NTM: variants seen among roughly 807,000 people sequenced by gnomAD.
NTM encodes IgLON family member 2.
NTM carries 13 observed loss-of-function variants against 42.1 expected under a neutral mutation model. The observed-to-expected ratio is 0.31, with a 90% CI of 0.20 to 0.49. NTM has a LOEUF of 0.49. Among genes scored for constraint, NTM ranks in the 20% least tolerant of loss-of-function variants. The pLI is 0.99. For missense variants in NTM, 373 were observed against 452.8 expected, an observed-to-expected ratio of 0.82 and a Z score of 1.60; for synonymous variants, 187 against 179.2, an observed-to-expected ratio of 1.04 and a Z score of -0.35.
Position 131,500,541 on chromosome 11 carries a change from T to TTATA in NTM, c.82+129687_82+129690dup, listed in dbSNP as rs200145436. Among the ~76,000 whole-genome samples the TTATA allele has an allele frequency of 2.1e-4, 14 of 65,158 alleles. 1 individual carries two copies. Among genetic ancestry groups the TTATA allele is most frequent in the Non-Finnish European group, 3.4e-4 (12 of 35,690 alleles). 42.7% of individuals were successfully genotyped at this position (65,158 alleles called of 152,430 possible). A position where few individuals can be genotyped will look rare whatever the true frequency, so the allele number is the denominator to read the frequency against. On this transcript the variant is annotated intron_variant, in intron 1 of 8. Transcript: ENST00000683400. ...TTGCTTCAGACCCTATAGTTATTTA[T>TTATA]TATATATATATATATATATATATAT...
intron 1 of NTM, among the ~76,000 whole-genome samples, chr11:131,848,872 A>G (rs1485035241): frequency 6.6e-6 from 1 of 152,194 alleles, no homozygotes; most frequent in African/African-American, 2.4e-5. Context: ...CTCACAAACC[A>G]GGGAGTGTTA....
At chr11:131,631,311 C>T (rs565241845) in intron 1 of NTM, among the ~76,000 whole-genome samples, 12 of 152,284 alleles carry the variant, frequency 7.9e-5, no homozygotes, top group South Asian at 4.1e-4. Context: ...GAGAAAACCA[C>T]GCAAATAACA....
intron 1 of NTM, among the ~76,000 whole-genome samples, chr11:131,572,386 C>T (rs1489723254): frequency 6.6e-6 from 1 of 152,178 alleles, no homozygotes; most frequent in Non-Finnish European, 1.5e-5. Flanking sequence ...CATTATTCTT[C>T]TCCAGAATTA....
chr11:131,799,713 G>A (rs976561878), intron 1 of NTM, among the ~76,000 whole-genome samples: 10 of 152,170 alleles, frequency 6.6e-5, no homozygotes, highest in African/African-American at 2.4e-4. Context: ...TCTTCCCCAG[G>A]AGGGGTGGGC....
At chr11:131,473,030 G>GA (rs1952593137) in intron 1 of NTM, among the ~76,000 whole-genome samples, 1 of 152,176 alleles carries the variant, frequency 6.6e-6, no homozygotes, top group Non-Finnish European at 1.5e-5. Flanking sequence ...TAATAACAAT[G>GA]AAAATAATAG....
At chr11:132,274,966 G>A (rs902914552) in intron 4 of NTM, among the ~76,000 whole-genome samples, 16 of 152,014 alleles carry the variant, frequency 1.1e-4, no homozygotes, top group African/African-American at 3.9e-4. Context: ...AGTTATATGA[G>A]TATCATATAT....
At chr11:132,199,712 C>A (rs910644641) in intron 3 of NTM, among the ~76,000 whole-genome samples, 3 of 151,056 alleles carry the variant, frequency 2.0e-5, no homozygotes, top group African/African-American at 7.3e-5. Flanking sequence ...CCAACTTGCC[C>A]TTTTTGATAT....
intron 4 of NTM, among the ~76,000 whole-genome samples, chr11:132,289,989 T>A (rs954959291): frequency 6.6e-6 from 1 of 152,244 alleles, no homozygotes; most frequent in African/African-American, 2.4e-5. Flanking sequence ...ATTCTGGCTG[T>A]TCTAAGTTTA....
In NTM at chr11:132,226,666, G is replaced by A. The variant is rs1358602551; in HGVS notation, c.526+14519G>A. On this transcript the variant is annotated intron_variant, in intron 4 of 8. Coordinates refer to ENST00000683400, the MANE Select transcript of NTM (RefSeq NM_001352005.2). ...ATGGAGGGGAGGGGGCGTAAAGATA[G>A]CCAGTAAAGGCATAAAGGTATGCCA... 1.3e-4 allele frequency among the ~76,000 whole-genome samples: 20 copies of A among 152,264 alleles called. No individual in the cohort carries two copies. The East Asian group carries it at 3.9e-3, about 29-fold the overall frequency.
At chr11:131,485,055 A>G (rs1439796879) in intron 1 of NTM, among the ~76,000 whole-genome samples, 1 of 152,222 alleles carries the variant, frequency 6.6e-6, no homozygotes, top group Non-Finnish European at 1.5e-5. Context: ...TCTTTAAAGC[A>G]ATTAGCATAG....
At chr11:131,555,548 G>A (rs1040448365) in intron 1 of NTM, among the ~76,000 whole-genome samples, 2 of 152,220 alleles carry the variant, frequency 1.3e-5, no homozygotes, top group Non-Finnish European at 2.9e-5. Context: ...TCTGCAGCCT[G>A]TGGCATACCC....
At chr11:132,023,903 C>T (rs12281826) in intron 2 of NTM, among the ~76,000 whole-genome samples, 27,952 of 151,742 alleles carry the variant, frequency 0.18, 3,235 homozygotes, top group Non-Finnish European at 0.25. Flanking sequence ...ACTGCAACCT[C>T]CACCTCCTGG....
intron 1 of NTM, among the ~76,000 whole-genome samples, chr11:131,570,217 A>G (rs1238067154): frequency 2.6e-5 from 4 of 152,224 alleles, no homozygotes; most frequent in African/African-American, 9.6e-5. Flanking sequence ...AGAGGCCTTC[A>G]TTCAGTTCAT....
At chr11:131,475,024 C>G (rs1952788354) in intron 1 of NTM, among the ~76,000 whole-genome samples, 1 of 152,198 alleles carries the variant, frequency 6.6e-6, no homozygotes, top group Non-Finnish European at 1.5e-5. Context: ...TTACCCCAAA[C>G]AATCAAGGCC....
At chr11:131,395,282 A>G (rs961112651) in intron 1 of NTM, among the ~76,000 whole-genome samples, 1 of 152,218 alleles carries the variant, frequency 6.6e-6, no homozygotes, top group African/African-American at 2.4e-5. Context: ...TGATTGCTGA[A>G]CAGAAATGGT....
At chr11:131,399,856 C>T (rs1442404659) in intron 1 of NTM, among the ~76,000 whole-genome samples, 1 of 152,166 alleles carries the variant, frequency 6.6e-6, no homozygotes, top group Non-Finnish European at 1.5e-5. Flanking sequence ...GTTATCCAGA[C>T]AGCAACCTCT....
intron 1 of NTM, among the ~76,000 whole-genome samples, chr11:131,531,975 G>A (rs1427608616): frequency 3.3e-5 from 5 of 152,186 alleles, no homozygotes; most frequent in African/African-American, 9.7e-5. Context: ...GAAAGGAAAG[G>A]TCATAGTCAG....
intron 1 of NTM, among the ~76,000 whole-genome samples, chr11:131,584,463 G>A (rs1192843085): frequency 2.0e-5 from 3 of 152,162 alleles, no homozygotes; most frequent in African/African-American, 7.2e-5. Flanking sequence ...TGGAGTGTGG[G>A]AAGTGAGAAT....
chr11:131,977,323 C>T (rs1165389335), intron 2 of NTM, among the ~76,000 whole-genome samples: 5 of 152,216 alleles, frequency 3.3e-5, no homozygotes, highest in Non-Finnish European at 7.3e-5. Flanking sequence ...TGCCAAATTT[C>T]CCAAGAGCGT....
Sources: allele counts gnomAD v4.1 joint callset (sites outside exome capture counted in the v4.1 genomes callset), GRCh38; gene constraint gnomAD v4.1.1; transcripts MANE v1.5; gene names NCBI Gene and HGNC (gene_info 2026-07-23, HGNC 2026-07-21).